Variants in CHN1 observed in about 807,000 individuals in gnomAD.
CHN1 encodes the protein N-chimaerin.
A neutral mutation model predicts 59.5 loss-of-function variants in CHN1; 37 were observed. That is an observed-to-expected ratio of 0.62 (90% confidence interval 0.48 to 0.82). The LOEUF (loss-of-function observed/expected upper bound fraction) is 0.82. Among genes scored for constraint, CHN1 ranks in the 40% least tolerant of loss-of-function variants. CHN1 has a pLI of 0.00. For missense variants in CHN1, 469 were observed against 571.0 expected, an observed-to-expected ratio of 0.82 and a Z score of 1.82; for synonymous variants, 206 against 200.4, an observed-to-expected ratio of 1.03 and a Z score of -0.24.
At chr2:174,896,600 C>G (rs1688223660) in intron 5 of CHN1, among the ~76,000 whole-genome samples, 1 of 152,110 alleles carries the variant, frequency 6.6e-6, no homozygotes. Flanking sequence ...CAGTCCAACT[C>G]AGTTTGTCAC....
intron 11 of CHN1, among the ~76,000 whole-genome samples, chr2:174,806,877 C>T (rs569311155): frequency 1.3e-5 from 2 of 152,226 alleles, no homozygotes; most frequent in East Asian, 1.9e-4. Flanking sequence ...AACAAGATAT[C>T]GCTATTAAAC....
At chr2:174,878,271 G>T in intron 5 of CHN1, 143 bp from the exon 6 acceptor site, 1 of 666,624 alleles carries the variant, frequency 1.5e-6, no homozygotes, top group Non-Finnish European at 2.3e-6. Flanking sequence ...TAATCTCTCT[G>T]AATCGTCTGG....
At chr2:174,867,128 C>CT (rs1404922429) in intron 6 of CHN1, among the ~76,000 whole-genome samples, 1 of 150,204 alleles carries the variant, frequency 6.7e-6, no homozygotes, top group Non-Finnish European at 1.5e-5. Flanking sequence ...AATCCTAGCA[C>CT]TTTGGGAGGC....
At chr2:174,934,052 A>T (rs1029469301) in intron 3 of CHN1, among the ~76,000 whole-genome samples, 1 of 152,146 alleles carries the variant, frequency 6.6e-6, no homozygotes, top group Non-Finnish European at 1.5e-5. Flanking sequence ...GTTTCGTGGG[A>T]GACAATTTTA....
chr2:174,884,527 A>T (rs933456653), intron 5 of CHN1, among the ~76,000 whole-genome samples: 1 of 152,202 alleles, frequency 6.6e-6, no homozygotes, highest in Non-Finnish European at 1.5e-5. Context: ...CAGTACCTGC[A>T]ATATTGTTTA....
At chr2:174,927,212 A>T (rs1485604496) in intron 3 of CHN1, among the ~76,000 whole-genome samples, 1 of 152,136 alleles carries the variant, frequency 6.6e-6, no homozygotes, top group Admixed American at 6.5e-5. Context: ...TTTCTAAATT[A>T]ATTAAGACCT....
intron 5 of CHN1, among the ~76,000 whole-genome samples, chr2:174,880,645 C>T (rs1475145584): frequency 6.6e-6 from 1 of 152,200 alleles, no homozygotes; most frequent in Non-Finnish European, 1.5e-5. Context: ...CATCCAGGTA[C>T]TTTACTGTCA....
At chr2:174,948,772 G>A (rs555232133) in intron 2 of CHN1, among the ~76,000 whole-genome samples, 1 of 152,252 alleles carries the variant, frequency 6.6e-6, no homozygotes, top group Middle Eastern at 3.4e-3. Context: ...TTCAATGGGT[G>A]TGCCACCTTA....
At chr2:174,815,249 C>T (rs767631326) in intron 8 of CHN1, among the ~76,000 whole-genome samples, 11 of 152,106 alleles carry the variant, frequency 7.2e-5, no homozygotes, top group Non-Finnish European at 1.5e-4. Flanking sequence ...TGGTGGTGTG[C>T]GCCTGTAGTT....
intron 5 of CHN1, among the ~76,000 whole-genome samples, chr2:174,897,394 A>G (rs533372504): frequency 6.6e-5 from 10 of 152,184 alleles, no homozygotes; most frequent in South Asian, 2.1e-4. Context: ...CAACAGAATT[A>G]TCAACAGATA....
intron 3 of CHN1, among the ~76,000 whole-genome samples, chr2:174,938,913 G>A (rs1316448839): frequency 6.6e-6 from 1 of 151,720 alleles, no homozygotes. Flanking sequence ...CTATATTTTT[G>A]TGAAACATAA....
chr2:174,896,863 A>AC (rs1467142480), intron 5 of CHN1, among the ~76,000 whole-genome samples: 1 of 152,174 alleles, frequency 6.6e-6, no homozygotes, highest in Non-Finnish European at 1.5e-5. Flanking sequence ...AATGAATATC[A>AC]CCACCATATG....
At chr2:174,824,356 T>C (rs1685610672) in intron 8 of CHN1, 78 bp downstream of exon 8, 3 of 1,120,552 alleles carry the variant, frequency 2.7e-6, no homozygotes, top group Non-Finnish European at 3.8e-6. Context: ...TGGATATGCA[T>C]AACAACAAGT....
chr2:174,926,388 G>A (rs1328870815), intron 3 of CHN1, among the ~76,000 whole-genome samples: 1 of 151,528 alleles, frequency 6.6e-6, no homozygotes, highest in Non-Finnish European at 1.5e-5. Context: ...AAATTTTGTA[G>A]AGATGGGTGT....
At chr2:174,911,307 C>T (rs896825736) in intron 5 of CHN1, among the ~76,000 whole-genome samples, 3 of 152,130 alleles carry the variant, frequency 2.0e-5, no homozygotes, top group South Asian at 2.1e-4. Context: ...AACTGATATT[C>T]GCCATATCTC....
At chr2:174,875,767 A>G in intron 6 of CHN1, 1 of 969,696 alleles carries the variant, frequency 1.0e-6, no homozygotes, top group Non-Finnish European at 1.2e-6. Context: ...AAATCAATTA[A>G]ACATGATTGT....
At chr2:174,976,126 CAAAAAAAAAAAAAA>C (rs71031078) in intron 1 of CHN1, among the ~76,000 whole-genome samples, 15 of 50,186 alleles carry the variant, frequency 3.0e-4, no homozygotes, top group South Asian at 1.5e-3. Context: ...GACTCCGTCT[CAAAAAAAAAAAAAA>C]AAAAAAAAAA....
intron 3 of CHN1, among the ~76,000 whole-genome samples, chr2:174,921,607 G>A (rs1203414615): frequency 6.6e-6 from 1 of 151,890 alleles, no homozygotes; most frequent in Non-Finnish European, 1.5e-5. Flanking sequence ...GATGAAACTG[G>A]GTAATTTATA....
intron 5 of CHN1, among the ~76,000 whole-genome samples, chr2:174,899,053 G>A (rs953642853): frequency 2.0e-5 from 3 of 152,192 alleles, no homozygotes; most frequent in African/African-American, 7.2e-5. Context: ...TTGGCTGTCA[G>A]TAGGACGGGC....
Sources: gnomAD v4.1 joint callset for allele counts (sites outside exome capture counted in the v4.1 genomes callset) on GRCh38, gnomAD v4.1.1 for gene constraint, MANE v1.5 for transcripts, NCBI Gene and HGNC (gene_info 2026-07-23, HGNC 2026-07-21) for gene names.